Variants in HS3ST3A1 observed in about 807,000 individuals in gnomAD.
The protein encoded by HS3ST3A1 is heparan sulfate-glucosamine 3-sulfotransferase 3A1, also known as heparan sulfate glucosamine 3-O-sulfotransferase 3A1.
Under a neutral mutation model 25.7 loss-of-function variants are expected in HS3ST3A1, and 19 were observed. The observed-to-expected ratio is 0.74, with a 90% CI of 0.52 to 1.08. HS3ST3A1 has a LOEUF of 1.08. HS3ST3A1 is among the 50% of genes least tolerant of loss of function. The pLI, the probability that HS3ST3A1 is intolerant of heterozygous loss-of-function variation, is 0.00. For missense variants in HS3ST3A1, 459 were observed against 594.3 expected (o/e 0.77, Z 2.37); for synonymous variants, 226 against 278.6 (o/e 0.81, Z 1.88).
At chr17:13,545,125 A>G (rs1907047640) in intron 1 of HS3ST3A1, among the ~76,000 whole-genome samples, 1 of 152,220 alleles carries the variant, frequency 6.6e-6, no homozygotes, top group Non-Finnish European at 1.5e-5. Flanking sequence ...GAGCATTAGC[A>G]TTCCTCAGGC....
intron 1 of HS3ST3A1, among the ~76,000 whole-genome samples, chr17:13,521,658 A>G (rs909825037): frequency 5.3e-5 from 8 of 152,222 alleles, no homozygotes; most frequent in African/African-American, 1.7e-4. Flanking sequence ...ATCAAGCACT[A>G]TAATAGGAAA....
intron 1 of HS3ST3A1, among the ~76,000 whole-genome samples, chr17:13,502,148 G>A (rs556559228): frequency 1.3e-5 from 2 of 152,196 alleles, no homozygotes; most frequent in East Asian, 1.9e-4. Flanking sequence ...CGGGGCCTAG[G>A]GTTGTTAGAG....
chr17:13,554,943 C>T (rs1907333264), intron 1 of HS3ST3A1, among the ~76,000 whole-genome samples: 1 of 151,966 alleles, frequency 6.6e-6, no homozygotes, highest in Admixed American at 6.5e-5. Flanking sequence ...CCTGGTGTGC[C>T]AAATTAGTAT....
chr17:13,507,122 T>C (rs1206212815), intron 1 of HS3ST3A1, among the ~76,000 whole-genome samples: 1 of 149,468 alleles, frequency 6.7e-6, no homozygotes, highest in Non-Finnish European at 1.5e-5. Context: ...ATGAAGTTCA[T>C]AGTCATGGAT....
intron 1 of HS3ST3A1, among the ~76,000 whole-genome samples, chr17:13,523,772 T>C (rs1324746035): frequency 6.6e-6 from 1 of 152,228 alleles, no homozygotes; most frequent in Admixed American, 6.5e-5. Context: ...AGAATTTATT[T>C]CAGATATATC....
chr17:13,586,649 C>T (rs1238514686), intron 1 of HS3ST3A1, among the ~76,000 whole-genome samples: 2 of 151,298 alleles, frequency 1.3e-5, no homozygotes, highest in Admixed American at 6.6e-5. Flanking sequence ...GGGCGGATCA[C>T]GAGGTCAGCA....
chr17:13,545,649 G>A (rs948972556), intron 1 of HS3ST3A1, among the ~76,000 whole-genome samples: 1 of 152,122 alleles, frequency 6.6e-6, no homozygotes, highest in African/African-American at 2.4e-5. Flanking sequence ...ACGGAGTCCC[G>A]GGAGAAACCT....
chr17:13,496,701 G>C lies in HS3ST3A1; in HGVS notation c.717C>G (p.Ile239Met). 2 of 1,614,100 alleles carry C rather than the reference G, an allele frequency of 1.2e-6. No homozygotes were observed. Among genetic ancestry groups the C allele is most frequent in the African/African-American group, 2.7e-5 (2 of 75,006 alleles). Residue 239 changes from isoleucine (I) to methionine (M), a missense_variant, in exon 2 of 2, where the codon ATC (isoleucine) becomes ATG (methionine). Transcript: ENST00000284110. Reference protein sequence around the residue: ...ISAMSKDTKLIVVVRDPVTRA... With the variant: ...ISAMSKDTKLMVVVRDPVTRA... ...TGGTCACCGGGTCCCGCACCACCACGATGAGCTTGGTGTCCTTGGACATGG... is the reference window on the plus strand; with the variant it reads ...TGGTCACCGGGTCCCGCACCACCACCATGAGCTTGGTGTCCTTGGACATGG...
At chr17:13,505,974 C>T (rs561843225) in intron 1 of HS3ST3A1, among the ~76,000 whole-genome samples, 21 of 149,372 alleles carry the variant, frequency 1.4e-4, no homozygotes, top group Non-Finnish European at 2.7e-4. Flanking sequence ...TTGCAGTGAG[C>T]CGAGGTCTCG....
intron 1 of HS3ST3A1, among the ~76,000 whole-genome samples, chr17:13,516,714 T>C (rs1167224785): frequency 6.6e-6 from 1 of 152,238 alleles, no homozygotes; most frequent in Non-Finnish European, 1.5e-5. Context: ...AAGTTATACT[T>C]TCAATCGAGT....
At chr17:13,508,933 T>C (rs1346520071) in intron 1 of HS3ST3A1, among the ~76,000 whole-genome samples, 1 of 152,086 alleles carries the variant, frequency 6.6e-6, no homozygotes, top group African/African-American at 2.4e-5. Flanking sequence ...AAAAGTAATA[T>C]TTCCTACTTT....
chr17:13,578,963 A>G (rs911861907), intron 1 of HS3ST3A1, among the ~76,000 whole-genome samples: 1 of 152,330 alleles, frequency 6.6e-6, no homozygotes, highest in East Asian at 1.9e-4. Flanking sequence ...CTACCTAGGA[A>G]AACATTTATT....
At chr17:13,547,757 G>C (rs1907126641) in intron 1 of HS3ST3A1, among the ~76,000 whole-genome samples, 1 of 152,138 alleles carries the variant, frequency 6.6e-6, no homozygotes, top group African/African-American at 2.4e-5. Context: ...TATTTAGCCA[G>C]TCAGTCAGAA....
chr17:13,579,701 C>CAA (rs543748713), intron 1 of HS3ST3A1, among the ~76,000 whole-genome samples: 524 of 23,626 alleles, frequency 0.022, 75 homozygotes, highest in Non-Finnish European at 0.034. Context: ...ACTCCATCTC[C>CAA]AAAAAAAAAA....
At chr17:13,589,777 G>A (rs1567631603) in intron 1 of HS3ST3A1, among the ~76,000 whole-genome samples, 1 of 152,168 alleles carries the variant, frequency 6.6e-6, no homozygotes, top group African/African-American at 2.4e-5. Context: ...AAAACATGGA[G>A]TTAGGGCAAA....
intron 1 of HS3ST3A1, among the ~76,000 whole-genome samples, chr17:13,599,990 T>G (rs568410725): frequency 5.9e-5 from 9 of 152,352 alleles, no homozygotes; most frequent in African/African-American, 1.9e-4. Flanking sequence ...GACATATATT[T>G]TCCAAACTAC....
intron 1 of HS3ST3A1, among the ~76,000 whole-genome samples, chr17:13,579,644 T>C (rs1469483880): frequency 7.6e-6 from 1 of 132,230 alleles, no homozygotes; most frequent in Non-Finnish European, 1.5e-5. Context: ...GAGGTTGCAG[T>C]GAGCCAAGAT....
At chr17:13,560,337 T>C (rs567524375) in intron 1 of HS3ST3A1, among the ~76,000 whole-genome samples, 9 of 120,820 alleles carry the variant, frequency 7.4e-5, no homozygotes, top group Non-Finnish European at 1.2e-4. Flanking sequence ...ACCTACATAC[T>C]CTTCAACTGG....
At chr17:13,559,370 T>G (rs1328933207) in intron 1 of HS3ST3A1, among the ~76,000 whole-genome samples, 5 of 152,062 alleles carry the variant, frequency 3.3e-5, no homozygotes, top group Non-Finnish European at 5.9e-5. Flanking sequence ...GTGTCCAAAC[T>G]CTACTTCTAC....
Sources: allele counts gnomAD v4.1 joint callset (sites outside exome capture counted in the v4.1 genomes callset), GRCh38; gene constraint gnomAD v4.1.1; transcripts MANE v1.5; gene names NCBI Gene and HGNC (gene_info 2026-07-23, HGNC 2026-07-21).